The following CTPS2 variants were observed in gnomAD, a reference collection of about 807,000 sequenced individuals.
CTPS2 encodes CTP synthase II.
In CTPS2, 19 loss-of-function variants were observed where a neutral mutation model predicts 46.8. The ratio of observed to expected loss-of-function variants is 0.41; its 90% CI spans 0.28 to 0.60. The LOEUF (loss-of-function observed/expected upper bound fraction) is 0.60, where lower values mean the gene tolerates loss of function less well. Among genes scored for constraint, CTPS2 ranks in the 20% least tolerant of loss-of-function variants. The pLI, the probability that CTPS2 is intolerant of heterozygous loss-of-function variation, is 0.35. For missense variants in CTPS2, 286 were observed against 447.6 expected (o/e 0.64, Z 3.26); for synonymous variants, 151 against 165.2 (o/e 0.91, Z 0.66).
intron 13 of CTPS2, among the ~76,000 whole-genome samples, chrX:16,656,043 G>A (rs1932810824): frequency 9.0e-6 from 1 of 111,124 alleles, no homozygotes. Flanking sequence ...TGATCCACCC[G>A]CCTCAGCTTC....
At chrX:16,634,072 A>G (rs1931617373) in intron 14 of CTPS2, among the ~76,000 whole-genome samples, 1 of 111,963 alleles carries the variant, frequency 8.9e-6, no homozygotes, top group Admixed American at 9.5e-5. Context: ...TAAATACTAT[A>G]TGCACAGATC....
At chrX:16,635,207 T>C (rs1931680336) in intron 14 of CTPS2, among the ~76,000 whole-genome samples, 1 of 112,110 alleles carries the variant, frequency 8.9e-6, no homozygotes, top group South Asian at 3.7e-4. Flanking sequence ...ATGTATTTTG[T>C]TCATAGCATT....
In CTPS2 at chrX:16,667,744, T is replaced by C. The variant is rs781311781; in HGVS notation, c.1190-20A>G. 1.2e-5 allele frequency: 14 copies of C among 1,185,105 alleles called. No individual in the cohort carries two copies. The Admixed American group carries it at 3.1e-4, about 26-fold the overall frequency. On this transcript the variant is annotated intron_variant, in intron 11 of 18. Coordinates refer to ENST00000359276, the MANE Select transcript of CTPS2 (RefSeq NM_175859.3). The stretch of plus-strand genomic sequence containing the variant: ...AAACTCCTATTTTAAAAAGCACATA[T>C]GCAAAGCAAATGAACTCACTTTGTA...
chrX:16,633,975 A>C (rs759474464), intron 14 of CTPS2, among the ~76,000 whole-genome samples: 1 of 112,373 alleles, frequency 8.9e-6, no homozygotes, highest in Non-Finnish European at 1.9e-5. Context: ...TGTTCGATTC[A>C]GCATTTTTCT....
intron 8 of CTPS2, among the ~76,000 whole-genome samples, chrX:16,687,600 C>G (rs1923338698): frequency 9.0e-6 from 1 of 110,647 alleles, no homozygotes; most frequent in Admixed American, 9.7e-5. Context: ...TAAAGTGTAT[C>G]AGCCCCAAGC....
At chrX:16,594,687 C>A (rs890460755) in intron 17 of CTPS2, among the ~76,000 whole-genome samples, 1 of 111,808 alleles carries the variant, frequency 8.9e-6, no homozygotes, top group Non-Finnish European at 1.9e-5. Flanking sequence ...GGCTGTCTGC[C>A]CCAAGCTCTG....
At chrX:16,606,425 C>T (rs1329579275) in intron 17 of CTPS2, among the ~76,000 whole-genome samples, 1 of 111,853 alleles carries the variant, frequency 8.9e-6, no homozygotes, top group Non-Finnish European at 1.9e-5. Flanking sequence ...TGGATTAATT[C>T]ATAGTCACCA....
In CTPS2 at chrX:16,589,430, C is replaced by T. The variant is rs1385161181; in HGVS notation, c.*387G>A. 1 of 112,390 alleles carries T rather than the reference C, an allele frequency of 8.9e-6. No homozygotes were observed. The highest frequency in any genetic ancestry group is 2.8e-4 in the East Asian group (1 of 3,605). The allele number at this position is 112,390 out of a possible 1,213,427, so 9.3% of individuals were successfully genotyped here. On this transcript the variant is annotated 3_prime_UTR_variant, in exon 19 of 19. Coordinates refer to ENST00000359276, the MANE Select transcript of CTPS2 (RefSeq NM_175859.3). ...TCATTTTCTTACTCAAAATTACTTA[C>T]AGCATGTTCCCTGCCATCCTTTCCA...
intron 13 of CTPS2, chrX:16,650,890 C>A: frequency 1.6e-6 from 1 of 608,973 alleles, no homozygotes. Flanking sequence ...TATTCTTCCC[C>A]ATTTATGCCA....
intron 6 of CTPS2, 83 bp from the exon 7 acceptor site, chrX:16,691,703 C>T: frequency 1.3e-6 from 1 of 798,811 alleles, no homozygotes; most frequent in Non-Finnish European, 1.9e-6. Context: ...AGAAACTTGG[C>T]CAAGTATGTA....
intron 14 of CTPS2, among the ~76,000 whole-genome samples, chrX:16,621,269 T>C (rs6629161): frequency 0.33 from 27,566 of 83,876 alleles, 4,215 homozygotes; most frequent in African/African-American, 0.52. Context: ...TCAAGAATGC[T>C]CCCATTGGGA....
At chrX:16,683,019 C>T (rs773782592) in intron 9 of CTPS2, 75 bp downstream of exon 9, 4 of 1,147,304 alleles carry the variant, frequency 3.5e-6, no homozygotes, top group Non-Finnish European at 4.7e-6. Flanking sequence ...GACCCTTTAA[C>T]AAAACTTGCC....
chrX:16,693,897 T>C (rs1923901232), intron 4 of CTPS2, among the ~76,000 whole-genome samples: 1 of 112,208 alleles, frequency 8.9e-6, no homozygotes, highest in Middle Eastern at 4.2e-3. Context: ...CCAGGCGCAG[T>C]GGCTCATGCT....
intron 2 of CTPS2, among the ~76,000 whole-genome samples, chrX:16,700,449 CA>C (rs1237781209): frequency 9.5e-6 from 1 of 105,663 alleles, no homozygotes; most frequent in Non-Finnish European, 1.9e-5. Context: ...AGAGTTTCGC[CA>C]TGTTTGCCAG....
intron 13 of CTPS2, among the ~76,000 whole-genome samples, chrX:16,639,790 A>AAAGAAAGG (rs1931971701): frequency 1.1e-5 from 1 of 95,009 alleles, no homozygotes; most frequent in Non-Finnish European, 2.0e-5. Flanking sequence ...AGAAAGAAAG[A>AAAGAAAGG]AAGAAAGAAA....
At chrX:16,633,068 CTT>C (rs1203422459) in intron 14 of CTPS2, among the ~76,000 whole-genome samples, 1 of 93,501 alleles carries the variant, frequency 1.1e-5, no homozygotes, top group African/African-American at 4.0e-5. Context: ...AGTTCTTTTT[CTT>C]TTTCTTTTCT....
At chrX:16,669,331 G>A (rs779782038) in intron 11 of CTPS2, among the ~76,000 whole-genome samples, 70 of 108,540 alleles carry the variant, frequency 6.4e-4, no homozygotes, top group African/African-American at 2.3e-3. Context: ...AGATACTTAA[G>A]ATGTACACAG....
Position 16,658,241 on chromosome X carries a change from C to CAAGAAACAG in CTPS2, c.1296+9264_1296+9272dup, listed in dbSNP as rs1224424316. 2.7e-5 allele frequency among the ~76,000 whole-genome samples: 3 copies of CAAGAAACAG among 109,504 alleles called. No individual in the cohort carries two copies. The Admixed American group carries it at 2.9e-4, about 11-fold the overall frequency. ...AAAAAAAAGGTGATTTCTAACCCAC[C>CAAGAAACAG]AAGAAACAGAGGAGATTTTTATAAA... On this transcript the variant is annotated intron_variant, in intron 13 of 18. Coordinates refer to ENST00000359276, the MANE Select transcript of CTPS2 (RefSeq NM_175859.3).
At chrX:16,658,937 A>G (rs896415607) in intron 13 of CTPS2, among the ~76,000 whole-genome samples, 1 of 112,205 alleles carries the variant, frequency 8.9e-6, no homozygotes, top group Non-Finnish European at 1.9e-5. Flanking sequence ...CTTTTGTTCA[A>G]TCAATATAAT....
Sources: allele counts gnomAD v4.1 joint callset (sites outside exome capture counted in the v4.1 genomes callset), GRCh38; gene constraint gnomAD v4.1.1; transcripts MANE v1.5; gene names NCBI Gene and HGNC (gene_info 2026-07-23, HGNC 2026-07-21).